Variants in ATG4B observed in about 807,000 individuals in gnomAD.
ATG4B encodes cysteine protease ATG4B.
Under a neutral mutation model 56.6 loss-of-function variants are expected in ATG4B, and 29 were observed. The ratio of observed to expected loss-of-function variants is 0.51; its 90% confidence interval spans 0.38 to 0.70. The LOEUF is 0.70. Among genes scored for constraint, ATG4B ranks in the 30% least tolerant of loss-of-function variants. ATG4B has a pLI of 0.00. For synonymous variants in ATG4B, 224 were observed against 206.1 expected (o/e 1.09, Z -0.74); for missense variants, 461 against 515.5 (o/e 0.89, Z 1.02).
chr2:241,660,575 TA>T (rs1366384745), intron 7 of ATG4B, among the ~76,000 whole-genome samples: 1 of 152,230 alleles, frequency 6.6e-6, no homozygotes, highest in Non-Finnish European at 1.5e-5. Context: ...GAAATTTTTA[TA>T]AAACATTGGA....
chr2:241,646,594 A>G (rs1356581169), intron 1 of ATG4B, among the ~76,000 whole-genome samples: 2 of 152,292 alleles, frequency 1.3e-5, no homozygotes, highest in African/African-American at 2.4e-5. Context: ...GTATGCCTCC[A>G]GATACTCTCG....
At chr2:241,660,323 C>T (rs1436262774) in intron 7 of ATG4B, among the ~76,000 whole-genome samples, 1 of 152,230 alleles carries the variant, frequency 6.6e-6, no homozygotes, top group Non-Finnish European at 1.5e-5. Flanking sequence ...CACAGACACG[C>T]CCCTTCCCTG....
At chr2:241,661,516 C>T (rs968444976) in intron 7 of ATG4B, among the ~76,000 whole-genome samples, 4 of 152,086 alleles carry the variant, frequency 2.6e-5, no homozygotes, top group Admixed American at 6.6e-5. Flanking sequence ...TCCGCAAAGC[C>T]GAAGCTAGAG....
chr2:241,654,293 T>C (rs1166247778), intron 4 of ATG4B, among the ~76,000 whole-genome samples: 10 of 151,952 alleles, frequency 6.6e-5, no homozygotes, highest in African/African-American at 1.4e-4. Context: ...TGGTGACATG[T>C]GCCTGTAGTC....
chr2:241,647,211 T>C (rs1379704350), intron 1 of ATG4B, among the ~76,000 whole-genome samples: 1 of 152,254 alleles, frequency 6.6e-6, no homozygotes, highest in East Asian at 1.9e-4. Context: ...TCTGCTGTAC[T>C]TTAAATAAAA....
chr2:241,638,651 A>G (rs985597788), intron 1 of ATG4B, among the ~76,000 whole-genome samples: 21 of 152,262 alleles, frequency 1.4e-4, no homozygotes, highest in African/African-American at 5.1e-4. Context: ...TGGTAGCTAC[A>G]ACATAAATTT....
intron 1 of ATG4B, among the ~76,000 whole-genome samples, chr2:241,644,534 T>C (rs1379309925): frequency 6.6e-6 from 1 of 152,168 alleles, no homozygotes; most frequent in Admixed American, 6.5e-5. Context: ...GTCCTGTAGC[T>C]ATCGACCAGG....
intron 7 of ATG4B, among the ~76,000 whole-genome samples, chr2:241,665,857 G>A (rs547629288): frequency 6.6e-6 from 1 of 152,298 alleles, no homozygotes; most frequent in Admixed American, 6.5e-5. Context: ...AGTGTGCAGT[G>A]TGCTACCTGT....
intron 4 of ATG4B, 77 bp from the exon 5 acceptor site, chr2:241,654,469 C>G: frequency 4.0e-5 from 29 of 732,164 alleles, no homozygotes; most frequent in Non-Finnish European, 6.0e-5. Flanking sequence ...TGGATGCCAT[C>G]TGTATCTTTA....
intron 8 of ATG4B, among the ~76,000 whole-genome samples, chr2:241,667,580 G>C (rs1245155769): frequency 6.6e-6 from 1 of 150,914 alleles, no homozygotes; most frequent in Non-Finnish European, 1.5e-5. Flanking sequence ...CTCCATCCTG[G>C]GTGACAGAGT....
At chr2:241,658,922 A>C (rs555563903) in intron 6 of ATG4B, among the ~76,000 whole-genome samples, 186 bp from the exon 7 acceptor site, 106 of 152,348 alleles carry the variant, frequency 7.0e-4, no homozygotes, top group African/African-American at 2.3e-3. Context: ...AGGCGAGAAG[A>C]AGCAGATTTA....
chr2:241,672,874 A>T lies in ATG4B; in HGVS notation c.*610A>T, dbSNP rs1461410396. On this transcript the variant is annotated 3_prime_UTR_variant, in exon 13 of 13. Transcript: ENST00000404914. ...CCTTGCTTTGGGGAGAAAAGTATTCAGGAAGTGGGTGTGTGGGAAACCTGA... is the reference window on the plus strand; with the variant it reads ...CCTTGCTTTGGGGAGAAAAGTATTCTGGAAGTGGGTGTGTGGGAAACCTGA... The T allele has an allele frequency of 6.2e-6, 1 of 161,864 alleles. No individual in the cohort carries two copies. The highest frequency in any genetic ancestry group is 1.4e-5 in the Non-Finnish European group (1 of 73,130). The allele number at this position is 161,864 out of a possible 1,614,324, so 10.0% of individuals were successfully genotyped here.
rs200689675 is a variant in ATG4B, at chr2:241,671,266, A to G, written c.1015-46A>G. The stretch of plus-strand genomic sequence containing the variant: ...CTGGCCCCTTTCTCTTGGCCGCAGC[A>G]AGCACTGGGGTGAGGCTGCACCTAA... On this transcript the variant is annotated intron_variant, in intron 11 of 12. Coordinates refer to ENST00000404914, the MANE Select transcript of ATG4B (RefSeq NM_013325.5). The G allele has an allele frequency of 5.6e-4, 857 of 1,542,454 alleles. 2 individuals carry two copies. In the African/African-American group the frequency reaches 0.011, roughly 19 times the overall value.
At chr2:241,660,825 T>C (rs947220442) in intron 7 of ATG4B, among the ~76,000 whole-genome samples, 5 of 152,212 alleles carry the variant, frequency 3.3e-5, no homozygotes, top group African/African-American at 9.6e-5. Context: ...CTCCCGTGTT[T>C]GGGGAAATCA....
chr2:241,663,708 T>C (rs987791349), intron 7 of ATG4B, among the ~76,000 whole-genome samples: 1 of 152,146 alleles, frequency 6.6e-6, no homozygotes, highest in Admixed American at 6.5e-5. Context: ...AGGCCAGGTG[T>C]AGTGGCTCAT....
chr2:241,654,180 T>C (rs2068315810), intron 4 of ATG4B, among the ~76,000 whole-genome samples: 2 of 152,074 alleles, frequency 1.3e-5, no homozygotes. Flanking sequence ...CCCAGCACTT[T>C]GGGATGCCGA....
At chr2:241,664,951 A>G (rs891229885) in intron 7 of ATG4B, among the ~76,000 whole-genome samples, 8 of 151,986 alleles carry the variant, frequency 5.3e-5, no homozygotes, top group Admixed American at 2.0e-4. Context: ...ACAACAGAGA[A>G]TCGGCTTCAA....
chr2:241,653,386 G>T, intron 3 of ATG4B, 126 bp from the exon 4 acceptor site: 1 of 1,550,988 alleles, frequency 6.4e-7, no homozygotes, highest in Non-Finnish European at 8.7e-7. Flanking sequence ...GTTGCCCCAG[G>T]TGGAGCTGAT....
chr2:241,661,967 G>A (rs974340342), intron 7 of ATG4B, among the ~76,000 whole-genome samples: 1 of 152,202 alleles, frequency 6.6e-6, no homozygotes, highest in Non-Finnish European at 1.5e-5. Flanking sequence ...AAATACCAGA[G>A]CAAGCACAGT....
Sources: allele counts gnomAD v4.1 joint callset (sites outside exome capture counted in the v4.1 genomes callset), GRCh38; gene constraint gnomAD v4.1.1; transcripts MANE v1.5; gene names NCBI Gene and HGNC (gene_info 2026-07-23, HGNC 2026-07-21).